Variants in QTMAN observed in about 807,000 individuals in gnomAD.
The protein encoded by QTMAN is queuosine-tRNA mannosyltransferase, also known as tRNA-queuosine alpha-mannosyltransferase.
the QTMAN span, chr2:144,320,010 G>A: frequency 6.6e-6 from 1 of 152,288 alleles, no homozygotes; most frequent in South Asian, 2.1e-4. Context: ...CTAAAATCCG[G>A]CATGCAACCT....
the QTMAN span, among the ~76,000 whole-genome samples, chr2:144,009,952 G>C: frequency 1.3e-5 from 2 of 149,002 alleles, no homozygotes; most frequent in Admixed American, 6.8e-5. Flanking sequence ...CATATCTGGA[G>C]AACAATAAAG....
the QTMAN span, among the ~76,000 whole-genome samples, chr2:144,143,798 A>G: frequency 1.3e-5 from 2 of 151,984 alleles, no homozygotes; most frequent in African/African-American, 4.8e-5. Flanking sequence ...TCAGAGGGTT[A>G]GTGAAATCAC....
At chr2:144,142,714 A>G in the QTMAN span, among the ~76,000 whole-genome samples, 2 of 151,972 alleles carry the variant, frequency 1.3e-5, no homozygotes, top group Non-Finnish European at 2.9e-5. Context: ...GAAATAGAAG[A>G]AACTGGTAGA....
the QTMAN span, among the ~76,000 whole-genome samples, chr2:144,302,644 T>C: frequency 6.6e-6 from 1 of 152,218 alleles, no homozygotes; most frequent in South Asian, 2.1e-4. Flanking sequence ...ACATCAACTA[T>C]GCGCCAACTT....
the QTMAN span, among the ~76,000 whole-genome samples, chr2:144,009,936 T>C: frequency 6.6e-6 from 1 of 151,926 alleles, no homozygotes; most frequent in South Asian, 2.1e-4. Flanking sequence ...AGAAGGAACA[T>C]CTGTACATAT....
At chr2:144,156,028 T>C in the QTMAN span, among the ~76,000 whole-genome samples, 1 of 152,118 alleles carries the variant, frequency 6.6e-6, no homozygotes, top group Admixed American at 6.5e-5. Context: ...ATCCTAAATA[T>C]TCAGTCTTTC....
At chr2:144,038,724 G>T in the QTMAN span, among the ~76,000 whole-genome samples, 1 of 152,216 alleles carries the variant, frequency 6.6e-6, no homozygotes, top group African/African-American at 2.4e-5. Context: ...ATACACAGTT[G>T]TATTAAATTG....
chr2:144,199,419 T>C, the QTMAN span, among the ~76,000 whole-genome samples: 1 of 152,158 alleles, frequency 6.6e-6, no homozygotes, highest in African/African-American at 2.4e-5. Flanking sequence ...TCTACAGTAA[T>C]ATCATGAGTA....
the QTMAN span, among the ~76,000 whole-genome samples, chr2:144,249,122 A>G: frequency 1.8e-3 from 274 of 152,362 alleles, 1 homozygote; most frequent in African/African-American, 6.2e-3. Context: ...TGGAGCAAAC[A>G]TGACTTTCAT....
At chr2:144,267,119 T>C in the QTMAN span, among the ~76,000 whole-genome samples, 1 of 152,254 alleles carries the variant, frequency 6.6e-6, no homozygotes, top group African/African-American at 2.4e-5. Flanking sequence ...AAGATGAAAG[T>C]GCAGGACTAG....
chr2:144,268,515 C>T, the QTMAN span, among the ~76,000 whole-genome samples: 1 of 152,164 alleles, frequency 6.6e-6, no homozygotes, highest in Non-Finnish European at 1.5e-5. Flanking sequence ...GAGAAGGTGG[C>T]CATCTGCTAA....
chr2:144,179,274 T>C, the QTMAN span, among the ~76,000 whole-genome samples: 1 of 152,206 alleles, frequency 6.6e-6, no homozygotes, highest in Non-Finnish European at 1.5e-5. Flanking sequence ...GTTTTTCTAC[T>C]GCCTAACACT....
the QTMAN span, among the ~76,000 whole-genome samples, chr2:144,041,679 T>C: frequency 2.3e-4 from 35 of 152,168 alleles, no homozygotes; most frequent in Non-Finnish European, 4.4e-4. Flanking sequence ...CATACTATAG[T>C]GAAGGCACAA....
the QTMAN span, among the ~76,000 whole-genome samples, chr2:144,153,485 G>A: frequency 6.6e-6 from 1 of 152,068 alleles, no homozygotes. Context: ...TGAGGCGGGC[G>A]GATCACGAGG....
the QTMAN span, chr2:143,943,774 C>G: frequency 6.6e-6 from 1 of 152,158 alleles, no homozygotes; most frequent in African/African-American, 2.4e-5. Context: ...TTAAACTTAA[C>G]TGTATTTGAA....
chr2:144,225,872 T>A, the QTMAN span, among the ~76,000 whole-genome samples: 1 of 152,216 alleles, frequency 6.6e-6, no homozygotes, highest in African/African-American at 2.4e-5. Flanking sequence ...TGTGTGTGTG[T>A]CTCCCAATCA....
chr2:143,953,821 T>C, the QTMAN span, among the ~76,000 whole-genome samples: 236 of 152,086 alleles, frequency 1.6e-3, no homozygotes, highest in African/African-American at 4.1e-3. Flanking sequence ...CAGATTTTTT[T>C]CAACCCAAGA....
the QTMAN span, among the ~76,000 whole-genome samples, chr2:144,249,352 T>C: frequency 4.7e-3 from 714 of 152,346 alleles, 3 homozygotes; most frequent in South Asian, 0.011. Flanking sequence ...GTTTTATCCA[T>C]GAGATCAACA....
At chr2:144,205,955 CTTG>C in the QTMAN span, among the ~76,000 whole-genome samples, 3 of 152,144 alleles carry the variant, frequency 2.0e-5, no homozygotes, top group Admixed American at 1.3e-4. Flanking sequence ...GACAAAATAA[CTTG>C]TTGAGCTTTC....
Sources: allele counts gnomAD v4.1 joint callset (sites outside exome capture counted in the v4.1 genomes callset), GRCh38; gene constraint gnomAD v4.1.1; transcripts MANE v1.5; gene names NCBI Gene and HGNC (gene_info 2026-07-23, HGNC 2026-07-21).